The following MTR variants were observed in gnomAD, a reference collection of about 807,000 sequenced individuals.
The protein encoded by MTR is methionine synthase.
In MTR, 84 loss-of-function variants were observed where a neutral mutation model predicts 154.8. That is an observed-to-expected ratio of 0.54 (90% CI 0.45 to 0.65). The LOEUF (loss-of-function observed/expected upper bound fraction) is 0.65, where lower values mean the gene tolerates loss of function less well. MTR is among the 30% of genes least tolerant of loss of function. The pLI, the probability that MTR is intolerant of heterozygous loss-of-function variation, is 0.00. For missense variants in MTR, 1,275 were observed against 1,570.2 expected (o/e 0.81, Z 3.18); for synonymous variants, 554 against 553.9 (o/e 1.00, Z 0.00).
Position 236,861,229 on chromosome 1 carries a change from G to A in MTR, c.2148G>A (p.Met716Ile), listed in dbSNP as rs576084212. Residue 716 changes from methionine to isoleucine, a missense_variant, in exon 20 of 33, where the codon ATG becomes ATA. Physicochemically the swap from Met to Ile is conservative, Grantham distance 10 (BLOSUM62 1). Transcript: ENST00000366577. ...NIIEGPLMNGMKIVGDLFGAG... is the reference protein window; with the variant it reads ...NIIEGPLMNGIKIVGDLFGAG... ...TTGAAGGACCCCTGATGAATGGAAT[G>A]AAAATTGTTGGTGATCTTTTTGGAG... 7 of 1,613,480 alleles carry A rather than the reference G, an allele frequency of 4.3e-6. No individual in the cohort carries two copies. The highest frequency in any genetic ancestry group is 5.1e-6 in the Non-Finnish European group (6 of 1,179,878).
chr1:236,799,140 C>G (rs893720997), intron 1 of MTR, among the ~76,000 whole-genome samples: 7 of 150,786 alleles, frequency 4.6e-5, no homozygotes, highest in African/African-American at 1.7e-4. Context: ...CCCCCTTTTT[C>G]TTGAGACAGT....
At chr1:236,826,782 T>C (rs1662312641) in intron 10 of MTR, 47 bp from the exon 11 acceptor site, 1 of 1,510,834 alleles carries the variant, frequency 6.6e-7, no homozygotes, top group East Asian at 2.3e-5. Flanking sequence ...GTAATGAGTT[T>C]AGAATTCAAG....
chr1:236,818,004 T>G (rs1661699773), intron 8 of MTR, among the ~76,000 whole-genome samples: 1 of 152,208 alleles, frequency 6.6e-6, no homozygotes. Flanking sequence ...GTAGGAAATG[T>G]AGAGGTCTCT....
At chr1:236,821,275 A>G (rs1475150964) in intron 8 of MTR, among the ~76,000 whole-genome samples, 1 of 152,208 alleles carries the variant, frequency 6.6e-6, no homozygotes, top group African/African-American at 2.4e-5. Context: ...CCGTTCTTGA[A>G]AGAACTAATT....
intron 7 of MTR, 97 bp from the exon 8 acceptor site, chr1:236,816,352 G>C: frequency 9.6e-7 from 1 of 1,043,084 alleles, no homozygotes; most frequent in Non-Finnish European, 1.5e-6. Context: ...CCTTGTAAAA[G>C]AGCAAAGGAA....
chr1:236,804,516 T>G (rs16834406), intron 2 of MTR, among the ~76,000 whole-genome samples: 11,562 of 152,298 alleles, frequency 0.076, 889 homozygotes, highest in African/African-American at 0.2. Flanking sequence ...CATTTTTTAC[T>G]TATATACCAT....
At chr1:236,864,823 T>C (rs1335436574) in intron 22 of MTR, among the ~76,000 whole-genome samples, 1 of 152,208 alleles carries the variant, frequency 6.6e-6, no homozygotes, top group Non-Finnish European at 1.5e-5. Context: ...TTACCAGGCA[T>C]TATACTAGAG....
intron 1 of MTR, 44 bp from the exon 2 acceptor site, chr1:236,803,384 T>A (rs778408378): frequency 6.3e-7 from 1 of 1,582,126 alleles, no homozygotes; most frequent in South Asian, 1.1e-5. Flanking sequence ...ACACATCTTT[T>A]TCACCTTTCA....
chr1:236,827,046 A>G, intron 11 of MTR, 150 bp downstream of exon 11: 1 of 754,868 alleles, frequency 1.3e-6, no homozygotes, highest in Non-Finnish European at 2.3e-6. Context: ...TGTGGGCTGT[A>G]TTTGGAGATG....
At chr1:236,851,063 G>T (rs1311676263) in intron 16 of MTR, among the ~76,000 whole-genome samples, 1 of 152,064 alleles carries the variant, frequency 6.6e-6, no homozygotes, top group African/African-American at 2.4e-5. Flanking sequence ...ATGTAGATTT[G>T]ATTTGCATCA....
At chr1:236,864,763 C>G (rs1664736816) in intron 22 of MTR, among the ~76,000 whole-genome samples, 1 of 152,214 alleles carries the variant, frequency 6.6e-6, no homozygotes, top group Non-Finnish European at 1.5e-5. Flanking sequence ...TTGCATTCAT[C>G]ACAGTCAGTT....
chr1:236,894,367 ACT>A lies in MTR; in HGVS notation c.3218_3219del (p.Ser1073CysfsTer22). On this transcript the variant is annotated frameshift_variant, in exon 30 of 33. Coordinates refer to ENST00000366577, the MANE Select transcript of MTR (RefSeq NM_000254.3). LOFTEE classifies it high-confidence loss of function. ...CTCCTTGGTTTTAAGGCTGAGAAGG[ACT>A]CTGCCAGCACGGAGCCATACTACTG... 1 of 1,614,034 alleles carries A rather than the reference ACT, an allele frequency of 6.2e-7. No homozygotes were observed. Among genetic ancestry groups the A allele is most frequent in the Non-Finnish European group, 8.5e-7 (1 of 1,179,982 alleles).
At chr1:236,891,048 G>A in intron 28 of MTR, 85 bp from the exon 29 acceptor site, 1 of 1,428,004 alleles carries the variant, frequency 7.0e-7, no homozygotes, top group South Asian at 1.2e-5. Flanking sequence ...GGTGACTGAG[G>A]AGGGGTAATG....
At chr1:236,886,427 A>C in intron 27 of MTR, 60 bp downstream of exon 27, 1 of 1,514,086 alleles carries the variant, frequency 6.6e-7, no homozygotes, top group Non-Finnish European at 9.2e-7. Context: ...GTGCTGAGGA[A>C]ATACATGCAT....
intron 24 of MTR, among the ~76,000 whole-genome samples, chr1:236,875,487 T>C (rs1380799988): frequency 1.3e-5 from 2 of 152,216 alleles, no homozygotes; most frequent in African/African-American, 2.4e-5. Context: ...CATAGTGATA[T>C]GTGGTAAGTG....
chr1:236,815,678 G>A lies in MTR; in HGVS notation c.669+15G>A, dbSNP rs1661549875. On this transcript the variant is annotated intron_variant, in intron 7 of 32. Transcript: ENST00000366577. ...GGCCTATCTTTGTAAGTTCTAAAGT[G>A]TTTGCACAATACATTCTTTTATTAA... The A allele has an allele frequency of 6.4e-7, 1 of 1,565,350 alleles. No individual in the cohort carries two copies. Among genetic ancestry groups the A allele is most frequent in the Non-Finnish European group, 8.6e-7 (1 of 1,165,706 alleles).
At chr1:236,833,111 C>T (rs1470236773) in intron 13 of MTR, among the ~76,000 whole-genome samples, 1 of 152,202 alleles carries the variant, frequency 6.6e-6, no homozygotes, top group African/African-American at 2.4e-5. Flanking sequence ...CCCTCCCATC[C>T]TGATCTGTCA....
chr1:236,813,782 T>C (rs1189784877), intron 6 of MTR, among the ~76,000 whole-genome samples: 1 of 152,212 alleles, frequency 6.6e-6, no homozygotes, highest in Admixed American at 6.5e-5. Flanking sequence ...GCAGCTCCTG[T>C]CCTCCAGTTT....
At chr1:236,869,715 T>TGAGAGGGAATG (rs3835677) in intron 22 of MTR, among the ~76,000 whole-genome samples, 104,956 of 151,396 alleles carry the variant, frequency 0.69, 37,031 homozygotes, top group African/African-American at 0.81. Context: ...GTGGTAGAGG[T>TGAGAGGGAATG]GAGAGGGATG....
Sources: gnomAD v4.1 joint callset for allele counts (sites outside exome capture counted in the v4.1 genomes callset) on GRCh38, gnomAD v4.1.1 for gene constraint, MANE v1.5 for transcripts, NCBI Gene and HGNC (gene_info 2026-07-23, HGNC 2026-07-21) for gene names.